Variants in ZGRF1 observed in about 807,000 individuals in gnomAD.
ZGRF1 encodes the protein zinc finger GRF-type containing 1, also known as 5'-3' DNA helicase ZGRF1.
ZGRF1 carries 196 observed loss-of-function variants against 203.5 expected under a neutral mutation model. The observed-to-expected ratio is 0.96, with a 90% CI of 0.86 to 1.08. The LOEUF is 1.08. Among genes scored for constraint, ZGRF1 ranks in the 50% least tolerant of loss-of-function variants. ZGRF1 has a pLI of 0.00. For missense variants in ZGRF1, 2,326 were observed against 2,416.3 expected (o/e 0.96, Z 0.78); for synonymous variants, 809 against 841.3 (o/e 0.96, Z 0.66).
chr4:112,544,519 TCA>T (rs1237998840), intron 24 of ZGRF1, among the ~76,000 whole-genome samples: 1 of 152,176 alleles, frequency 6.6e-6, no homozygotes, highest in Admixed American at 6.5e-5. Context: ...AATTGAAGGC[TCA>T]AGAACTGTGT....
intron 22 of ZGRF1, among the ~76,000 whole-genome samples, chr4:112,552,214 T>G (rs1349427528): frequency 6.6e-6 from 1 of 150,948 alleles, no homozygotes; most frequent in Admixed American, 6.6e-5. Context: ...GAGGTGGAGG[T>G]TGCAGTGAGC....
chr4:112,575,249 CG>C (rs1434198357), intron 16 of ZGRF1, among the ~76,000 whole-genome samples: 1 of 152,096 alleles, frequency 6.6e-6, no homozygotes, highest in African/African-American at 2.4e-5. Flanking sequence ...AAATGTTTCT[CG>C]TATCCCTTTT....
chr4:112,544,495 A>G (rs1486865), intron 24 of ZGRF1, among the ~76,000 whole-genome samples: 91,990 of 151,952 alleles, frequency 0.61, 28,592 homozygotes, highest in East Asian at 0.95. Flanking sequence ...AGTGAACTTG[A>G]CAGTTTTTAG....
intron 1 of ZGRF1, among the ~76,000 whole-genome samples, chr4:112,635,844 T>C (rs968408808): frequency 3.3e-5 from 5 of 151,968 alleles, no homozygotes; most frequent in Admixed American, 2.0e-4. Context: ...TATTTCACAA[T>C]TGCAAGATAA....
intron 3 of ZGRF1, among the ~76,000 whole-genome samples, chr4:112,625,494 A>C (rs1251683683): frequency 6.6e-6 from 1 of 151,130 alleles, no homozygotes; most frequent in African/African-American, 2.4e-5. Context: ...CTGAGGCAGG[A>C]GAATGGCGTG....
intron 9 of ZGRF1, chr4:112,605,613 G>A (rs1750654901): frequency 6.0e-6 from 1 of 165,896 alleles, no homozygotes. Context: ...CTACTTAGAT[G>A]TTGGTTACGT....
chr4:112,603,673 C>T lies in ZGRF1; in HGVS notation c.2827G>A (p.Val943Ile), dbSNP rs1560841146. The T allele has an allele frequency of 6.2e-7, 1 of 1,613,568 alleles. No homozygotes were observed. Residue 943 changes from valine (V) to isoleucine (I), a missense_variant, in exon 10 of 28, where the codon GTA (valine) becomes ATA (isoleucine). Coordinates refer to ENST00000505019, the MANE Select transcript of ZGRF1 (RefSeq NM_018392.5). ...PKPVEFQGHQ[V>I]KGSATSGVMV... Reference sequence around the variant, plus strand: ...ACACCACTAGTAGCTGATCCTTTTACTTGATGTCCTTGAAACTCAACAGGC... The same window carrying T: ...ACACCACTAGTAGCTGATCCTTTTATTTGATGTCCTTGAAACTCAACAGGC...
intron 15 of ZGRF1, among the ~76,000 whole-genome samples, chr4:112,583,476 T>C (rs1746630348): frequency 6.6e-6 from 1 of 152,162 alleles, no homozygotes; most frequent in South Asian, 2.1e-4. Context: ...TTGCTGACAT[T>C]GTTTGATGTT....
At chr4:112,636,334 T>C (rs965190481) in intron 1 of ZGRF1, among the ~76,000 whole-genome samples, 1 of 152,190 alleles carries the variant, frequency 6.6e-6, no homozygotes, top group African/African-American at 2.4e-5. Flanking sequence ...TATATATACA[T>C]AAAACTCGGT....
chr4:112,633,918 G>A (rs1482539974), intron 1 of ZGRF1, among the ~76,000 whole-genome samples: 1 of 152,134 alleles, frequency 6.6e-6, no homozygotes, highest in Non-Finnish European at 1.5e-5. Context: ...AGTAAGAAAT[G>A]ACCTATTAAG....
chr4:112,601,040 T>C (rs542946857), intron 10 of ZGRF1, among the ~76,000 whole-genome samples: 2 of 151,560 alleles, frequency 1.3e-5, no homozygotes, highest in South Asian at 4.2e-4. Flanking sequence ...ACAGCAGAGG[T>C]TGCAGTGAGG....
At chr4:112,621,973 C>A (rs2047076363) in intron 4 of ZGRF1, among the ~76,000 whole-genome samples, 1 of 151,434 alleles carries the variant, frequency 6.6e-6, no homozygotes, top group Admixed American at 6.6e-5. Context: ...GGTGATCCGC[C>A]TGCCTCGGCC....
At chr4:112,541,987 T>C (rs925888572) in intron 24 of ZGRF1, among the ~76,000 whole-genome samples, 5 of 152,228 alleles carry the variant, frequency 3.3e-5, no homozygotes, top group African/African-American at 9.6e-5. Context: ...ATTTTATTAA[T>C]GCATCATAAA....
intron 10 of ZGRF1, among the ~76,000 whole-genome samples, chr4:112,590,924 CAAAAA>C (rs550984359): frequency 3.1e-5 from 2 of 64,624 alleles, no homozygotes; most frequent in African/African-American, 5.5e-5. Context: ...GACTCCTTCT[CAAAAA>C]AAAAAAAAAA....
intron 11 of ZGRF1, among the ~76,000 whole-genome samples, chr4:112,589,127 G>A (rs1413613714): frequency 6.6e-6 from 1 of 151,876 alleles, no homozygotes; most frequent in African/African-American, 2.4e-5. Context: ...CATAAATTCA[G>A]AATCAGGGGA....
chr4:112,560,283 T>C (rs147484783), intron 19 of ZGRF1, among the ~76,000 whole-genome samples: 2 of 152,268 alleles, frequency 1.3e-5, no homozygotes, highest in East Asian at 1.9e-4. Flanking sequence ...GAAGGCAGGA[T>C]ATTGAAAGCA....
Position 112,587,374 on chromosome 4 carries a change from A to G in ZGRF1, c.3683T>C (p.Leu1228Pro), listed in dbSNP as rs770646353. 16 of 1,613,804 alleles carry G rather than the reference A, an allele frequency of 9.9e-6. No homozygotes were observed. In the South Asian group the frequency reaches 1.1e-4, roughly 11 times the overall value. The change falls in exon 12 of 28, where the codon CTT becomes CCT. Residue 1228 changes from leucine (L) to proline (P), a missense_variant. Physicochemically the swap from Leu to Pro is moderately conservative, Grantham distance 98. Transcript: ENST00000505019. ...AGAAGTCTGCTTTAAATTCAGAGAA[A>G]GTACTTTCTTTCTGGAAACCGAATC... Reference protein sequence around the residue: ...SQDSVSRKKVLSLNLKQTSKT... With the variant: ...SQDSVSRKKVPSLNLKQTSKT...
At position 112,603,633 on chromosome 4, in the gene ZGRF1, T is replaced by C; in HGVS notation, c.2867A>G (p.His956Arg). The change falls in exon 10 of 28, where the codon CAC becomes CGC. Residue 956 changes from histidine to arginine, a missense_variant. Transcript: ENST00000505019. ...SATSGVMVRG[H>R]SSQLGCSQFP... Reference sequence around the variant, plus strand: ...CTGACTGCATCCTAGCTGTGAGCTGTGTCCTCTGACCATTACACCACTAGT... The same window carrying C: ...CTGACTGCATCCTAGCTGTGAGCTGCGTCCTCTGACCATTACACCACTAGT... 6.2e-7 allele frequency: 1 copy of C among 1,614,076 alleles called. No individual in the cohort carries two copies. Among genetic ancestry groups the C allele is most frequent in the Non-Finnish European group, 8.5e-7 (1 of 1,179,936 alleles).
intron 3 of ZGRF1, among the ~76,000 whole-genome samples, chr4:112,625,394 C>T (rs569534161): frequency 6.6e-6 from 1 of 150,840 alleles, no homozygotes; most frequent in African/African-American, 2.4e-5. Flanking sequence ...GACCATCCTG[C>T]TAACACGGTG....
Sources: allele counts gnomAD v4.1 joint callset (sites outside exome capture counted in the v4.1 genomes callset), GRCh38; gene constraint gnomAD v4.1.1; transcripts MANE v1.5; gene names NCBI Gene and HGNC (gene_info 2026-07-23, HGNC 2026-07-21).